RORA: variants seen among roughly 807,000 people sequenced by gnomAD.
RORA encodes the protein RAR related orphan receptor A.
Under a neutral mutation model 69.5 loss-of-function variants are expected in RORA, and 7 were observed. That is an observed-to-expected ratio of 0.10 (90% CI 0.06 to 0.19). The LOEUF (loss-of-function observed/expected upper bound fraction) is 0.19, where lower values mean the gene tolerates loss of function less well. RORA is among the 10% of genes least tolerant of loss of function. The pLI is 1.00. For missense variants in RORA, 457 were observed against 663.0 expected (o/e 0.69, Z 3.41); for synonymous variants, 261 against 240.8 (o/e 1.08, Z -0.78).
At chr15:61,036,208 C>A (rs889254689) in intron 1 of RORA, among the ~76,000 whole-genome samples, 1 of 152,092 alleles carries the variant, frequency 6.6e-6, no homozygotes, top group African/African-American at 2.4e-5. Context: ...GGAGGTCCTA[C>A]GGGAGCAGCC....
chr15:61,204,375 G>T (rs1186972628), intron 1 of RORA, among the ~76,000 whole-genome samples: 1 of 152,312 alleles, frequency 6.6e-6, no homozygotes, highest in African/African-American at 2.4e-5. Flanking sequence ...GATTGTAATG[G>T]CAATCAATGA....
chr15:60,939,797 G>C (rs925906189), intron 1 of RORA, among the ~76,000 whole-genome samples: 15 of 152,250 alleles, frequency 9.9e-5, no homozygotes, highest in African/African-American at 3.6e-4. Flanking sequence ...GCACGGGACA[G>C]TGCCGTTCAC....
intron 3 of RORA, among the ~76,000 whole-genome samples, chr15:60,518,270 T>C (rs74017206): frequency 0.047 from 7,149 of 152,316 alleles, 568 homozygotes; most frequent in African/African-American, 0.16. Flanking sequence ...TTTGCATACA[T>C]ACATTAAGTT....
chr15:60,661,383 TA>T (rs1481601022), intron 2 of RORA, among the ~76,000 whole-genome samples: 4 of 152,166 alleles, frequency 2.6e-5, no homozygotes, highest in Admixed American at 2.6e-4. Context: ...TTTTGCCACT[TA>T]AAAAGCTGCT....
intron 1 of RORA, among the ~76,000 whole-genome samples, chr15:60,702,522 G>A (rs914107943): frequency 6.6e-6 from 1 of 152,102 alleles, no homozygotes; most frequent in African/African-American, 2.4e-5. Flanking sequence ...GTGAGCCACC[G>A]CGCCTGGCCA....
chr15:60,661,230 T>C (rs558261064), intron 2 of RORA, among the ~76,000 whole-genome samples: 26 of 152,132 alleles, frequency 1.7e-4, no homozygotes, highest in Non-Finnish European at 2.6e-4. Flanking sequence ...TGTAAAGAAG[T>C]GGTGCAGTTG....
chr15:60,815,940 GTGTATATATACTA>G (rs2072805056), intron 1 of RORA, among the ~76,000 whole-genome samples: 1 of 126,946 alleles, frequency 7.9e-6, no homozygotes, highest in African/African-American at 3.1e-5. Flanking sequence ...ACTATAAATA[GTGTATATATACTA>G]TAAATAGTAT....
At chr15:60,638,976 G>A (rs1355691214) in intron 2 of RORA, among the ~76,000 whole-genome samples, 1 of 152,040 alleles carries the variant, frequency 6.6e-6, no homozygotes, top group Admixed American at 6.6e-5. Context: ...CTGACCAACG[G>A]GGATGAGGGT....
chr15:61,119,656 T>A (rs768883496), intron 1 of RORA, among the ~76,000 whole-genome samples: 1 of 152,092 alleles, frequency 6.6e-6, no homozygotes, highest in Non-Finnish European at 1.5e-5. Flanking sequence ...CAGGTTGGCC[T>A]TGAGGGCCAC....
intron 3 of RORA, among the ~76,000 whole-genome samples, chr15:60,527,590 T>C (rs2066401886): frequency 6.6e-6 from 1 of 152,224 alleles, no homozygotes; most frequent in South Asian, 2.1e-4. Context: ...GAAATGTCTG[T>C]ATGAACAGAA....
chr15:60,789,181 C>G (rs748069930), intron 1 of RORA, among the ~76,000 whole-genome samples: 4 of 152,186 alleles, frequency 2.6e-5, no homozygotes, highest in Non-Finnish European at 5.9e-5. Context: ...AAAGGCCAAA[C>G]AGAGGAGCCA....
chr15:60,945,404 C>T (rs934722317), intron 1 of RORA, among the ~76,000 whole-genome samples: 2 of 152,198 alleles, frequency 1.3e-5, no homozygotes, highest in Non-Finnish European at 2.9e-5. Context: ...TCTTCCAGGA[C>T]ACAGTGGCTT....
chr15:60,905,461 T>C lies in RORA; in HGVS notation c.167-226775A>G, dbSNP rs1891510665. Reference sequence around the variant, plus strand: ...TGTGCTTCCTTTCAAGTGACAAGAGTTGTGACAGCTGCTCTATAAGGTATT... The same window carrying C: ...TGTGCTTCCTTTCAAGTGACAAGAGCTGTGACAGCTGCTCTATAAGGTATT... On this transcript the variant is annotated intron_variant, in intron 1 of 10. Transcript: ENST00000335670. The surrounding 1 kb of genome is among the most constrained non-coding windows in gnomAD (Gnocchi z 4.8). Among the ~76,000 whole-genome samples the C allele has an allele frequency of 6.6e-6, 1 of 152,126 alleles. No individual in the cohort carries two copies. The highest frequency in any genetic ancestry group is 1.5e-5 in the Non-Finnish European group (1 of 68,028).
At chr15:60,568,087 T>C (rs1191678573) in intron 2 of RORA, among the ~76,000 whole-genome samples, 1 of 152,206 alleles carries the variant, frequency 6.6e-6, no homozygotes, top group Non-Finnish European at 1.5e-5. Context: ...CTGATAAATG[T>C]TCCCTGGGGG....
At chr15:60,884,759 C>T (rs61108525) in intron 1 of RORA, among the ~76,000 whole-genome samples, 11,154 of 152,238 alleles carry the variant, frequency 0.073, 566 homozygotes, top group Admixed American at 0.17. Flanking sequence ...AATTTTGAGA[C>T]AGTATGTCTT....
rs56192812 is a variant in RORA, at chr15:60,590,175, A to ATCTCTCTCTCTCTC, written c.197-58338_197-58325dup. 9.6e-3 allele frequency among the ~76,000 whole-genome samples: 1,409 copies of ATCTCTCTCTCTCTC among 146,780 alleles called. 21 individuals are homozygous for ATCTCTCTCTCTCTC. Among genetic ancestry groups the ATCTCTCTCTCTCTC allele is most frequent in the African/African-American group, 0.03 (1,168 of 38,446 alleles). ...ATGCATTCTCTCTCCCTCTTCCTCT[A>ATCTCTCTCTCTCTC]TCTCTCTCTCTCTCTCTCTCTCTCT... On this transcript the variant is annotated intron_variant, in intron 2 of 10. Coordinates refer to ENST00000335670, the MANE Select transcript of RORA (RefSeq NM_134261.3).
At chr15:61,088,392 C>T (rs541134629) in intron 1 of RORA, among the ~76,000 whole-genome samples, 1 of 152,302 alleles carries the variant, frequency 6.6e-6, no homozygotes, top group Admixed American at 6.5e-5. Context: ...AAAAACTGCA[C>T]AAAGCCACAG....
chr15:60,788,155 A>C lies in RORA; in HGVS notation c.167-109469T>G, dbSNP rs143955590. Among the ~76,000 whole-genome samples the C allele has an allele frequency of 4.1e-3, 621 of 152,358 alleles. 5 individuals carry two copies. Among genetic ancestry groups the C allele is most frequent in the Non-Finnish European group, 6.3e-3 (426 of 68,038 alleles). ...TTGAGCCGAGACAGGAAGGATGCTG[A>C]AAGCAGGGGTAGGCTGAAATTTCCG... is the stretch of plus-strand genomic sequence containing the variant. On this transcript the variant is annotated intron_variant, in intron 1 of 10. Transcript: ENST00000335670.
chr15:60,670,295 G>A (rs2070446783), intron 2 of RORA, among the ~76,000 whole-genome samples: 2 of 149,722 alleles, frequency 1.3e-5, no homozygotes, highest in South Asian at 4.2e-4. Flanking sequence ...CTGCCGCTTC[G>A]GCATCCCAGG....
Sources: gnomAD v4.1 joint callset for allele counts (sites outside exome capture counted in the v4.1 genomes callset) on GRCh38, gnomAD v4.1.1 for gene constraint, Gnocchi (gnomAD v3.1) non-coding constraint, MANE v1.5 for transcripts, NCBI Gene and HGNC (gene_info 2026-07-23, HGNC 2026-07-21) for gene names.